The following MAML2 variants were observed in gnomAD, a reference collection of about 807,000 sequenced individuals.
MAML2 encodes mastermind-like protein 2.
MAML2 carries 22 observed loss-of-function variants against 96.1 expected under a neutral mutation model. The ratio of observed to expected loss-of-function variants is 0.23; its 90% CI spans 0.16 to 0.33. The LOEUF (loss-of-function observed/expected upper bound fraction) is 0.33, where lower values mean the gene tolerates loss of function less well. Among genes scored for constraint, MAML2 ranks in the 10% least tolerant of loss-of-function variants. MAML2 has a pLI of 1.00. For synonymous variants in MAML2, 561 were observed against 521.3 expected (o/e 1.08, Z -1.04); for missense variants, 1,367 against 1,392.4 (o/e 0.98, Z 0.29).
chr11:96,037,400 C>G (rs1256880851), intron 2 of MAML2, among the ~76,000 whole-genome samples: 1 of 152,144 alleles, frequency 6.6e-6, no homozygotes, highest in Non-Finnish European at 1.5e-5. Context: ...TATACACATG[C>G]ATTTCGAGAC....
rs780219673 is a variant in MAML2, at chr11:96,202,465, C to T, written c.514-108948G>A. ...GGAATCCCAGGTAGGATCAGGAATGCGTTAGGAAAGTGCTAATTGCTTCAA... is the reference window on the plus strand; with the variant it reads ...GGAATCCCAGGTAGGATCAGGAATGTGTTAGGAAAGTGCTAATTGCTTCAA... On this transcript the variant is annotated intron_variant, in intron 1 of 4. Coordinates refer to ENST00000524717, the MANE Select transcript of MAML2 (RefSeq NM_032427.4). 3.9e-5 allele frequency among the ~76,000 whole-genome samples: 6 copies of T among 151,900 alleles called. No homozygotes were observed. The East Asian group carries it at 5.8e-4, about 15-fold the overall frequency.
chr11:96,258,084 A>G (rs11600126), intron 1 of MAML2, among the ~76,000 whole-genome samples: 2,463 of 152,284 alleles, frequency 0.016, 76 homozygotes, highest in African/African-American at 0.056. Context: ...GGCTCTTGAC[A>G]TCTTTTGGTC....
At position 95,993,531 on chromosome 11, in the gene MAML2, G is replaced by A. The variant is rs370673761; in HGVS notation, c.2140-1808C>T. 3.3e-5 allele frequency among the ~76,000 whole-genome samples: 5 copies of A among 152,180 alleles called. No individual in the cohort carries two copies. In the East Asian group the frequency reaches 5.8e-4, roughly 18 times the overall value. ...GGTTGCAGCGACCCGAGATTGTGCC[G>A]CTGCACTCCAGCCTGGGTGACAGAG... On this transcript the variant is annotated intron_variant, in intron 2 of 4. Transcript: ENST00000524717.
In MAML2 at chr11:96,293,503, A is replaced by G. The variant is rs910046172; in HGVS notation, c.513+47880T>C. The stretch of plus-strand genomic sequence containing the variant: ...AAATCATACAACTTTTTTGATGCAT[A>G]TTAAGATAACTATAAAAATACCAAA... On this transcript the variant is annotated intron_variant, in intron 1 of 4. Coordinates refer to ENST00000524717, the MANE Select transcript of MAML2 (RefSeq NM_032427.4). 3.3e-5 allele frequency among the ~76,000 whole-genome samples: 5 copies of G among 152,196 alleles called. No homozygotes were observed. In the East Asian group the frequency reaches 5.8e-4, roughly 18 times the overall value.
intron 2 of MAML2, among the ~76,000 whole-genome samples, chr11:96,082,854 G>A (rs924663353): frequency 5.3e-5 from 8 of 152,316 alleles, no homozygotes; most frequent in Admixed American, 4.6e-4. Context: ...GTCGGCAGTA[G>A]CACCTGGGAA....
At chr11:96,251,687 G>A (rs1300202169) in intron 1 of MAML2, among the ~76,000 whole-genome samples, 2 of 151,142 alleles carry the variant, frequency 1.3e-5, no homozygotes, top group African/African-American at 4.9e-5. Context: ...ATGGTGGAAT[G>A]TTGGAGAAGC....
chr11:96,157,852 G>T (rs1861037116), intron 1 of MAML2, among the ~76,000 whole-genome samples: 1 of 152,116 alleles, frequency 6.6e-6, no homozygotes, highest in Non-Finnish European at 1.5e-5. Flanking sequence ...TGCCTTTGTG[G>T]GTAAGAACTT....
chr11:96,342,574 C>G lies in MAML2; in HGVS notation c.-679G>C. 2.5e-6 allele frequency: 1 copy of G among 395,468 alleles called. No homozygotes were observed. Among genetic ancestry groups the G allele is most frequent in the Non-Finnish European group, 4.5e-6 (1 of 224,654 alleles). 24.5% of individuals were successfully genotyped at this position (395,468 alleles called of 1,614,324 possible). ...ATTTTTCCTCCCTTTCCTTTCGCTCCGGTGTTTTCTCCTCTTTGGGGTACT... is the reference window on the plus strand; with the variant it reads ...ATTTTTCCTCCCTTTCCTTTCGCTCGGGTGTTTTCTCCTCTTTGGGGTACT... On this transcript the variant is annotated 5_prime_UTR_variant, in exon 1 of 5. Coordinates refer to ENST00000524717, the MANE Select transcript of MAML2 (RefSeq NM_032427.4).
At chr11:96,253,236 C>A (rs1383341539) in intron 1 of MAML2, among the ~76,000 whole-genome samples, 1 of 152,186 alleles carries the variant, frequency 6.6e-6, no homozygotes, top group Non-Finnish European at 1.5e-5. Flanking sequence ...GGAAAACTGA[C>A]TTTGATTTTC....
At chr11:96,212,328 G>A (rs1056044909) in intron 1 of MAML2, among the ~76,000 whole-genome samples, 1 of 151,902 alleles carries the variant, frequency 6.6e-6, no homozygotes, top group Non-Finnish European at 1.5e-5. Context: ...GAGTGTCTGC[G>A]ATCACCGAGA....
chr11:96,045,154 A>G (rs989920383), intron 2 of MAML2, among the ~76,000 whole-genome samples: 2 of 152,174 alleles, frequency 1.3e-5, no homozygotes, highest in Non-Finnish European at 2.9e-5. Flanking sequence ...ATTTGCTCAA[A>G]GGTTTTCCTG....
chr11:96,243,136 C>T (rs1222621826), intron 1 of MAML2, among the ~76,000 whole-genome samples: 1 of 151,924 alleles, frequency 6.6e-6, no homozygotes, highest in African/African-American at 2.4e-5. Context: ...CTCTCTTACA[C>T]ACACACACAC....
intron 1 of MAML2, among the ~76,000 whole-genome samples, chr11:96,181,498 A>G (rs1215800229): frequency 1.3e-5 from 2 of 152,180 alleles, no homozygotes; most frequent in Non-Finnish European, 2.9e-5. Flanking sequence ...TAATAACCAA[A>G]AAACTTTCTA....
At chr11:96,047,740 C>T (rs749896418) in intron 2 of MAML2, among the ~76,000 whole-genome samples, 3 of 151,618 alleles carry the variant, frequency 2.0e-5, no homozygotes, top group Non-Finnish European at 4.4e-5. Flanking sequence ...GAAACCCTGT[C>T]TCTACTAAAA....
At chr11:96,326,532 C>T (rs1378131594) in intron 1 of MAML2, among the ~76,000 whole-genome samples, 2 of 152,088 alleles carry the variant, frequency 1.3e-5, no homozygotes, top group East Asian at 1.9e-4. Context: ...TGCGGTGGCT[C>T]ATGCCTGTAA....
At chr11:96,222,597 C>T (rs1207497984) in intron 1 of MAML2, among the ~76,000 whole-genome samples, 1 of 152,154 alleles carries the variant, frequency 6.6e-6, no homozygotes, top group Admixed American at 6.5e-5. Flanking sequence ...ATATCATTTC[C>T]CAGGAGTGCC....
chr11:96,085,772 G>T (rs1028288235), intron 2 of MAML2, among the ~76,000 whole-genome samples: 1 of 151,728 alleles, frequency 6.6e-6, no homozygotes, highest in African/African-American at 2.4e-5. Flanking sequence ...CCCTAACTGT[G>T]GAGTTGAACC....
intron 1 of MAML2, among the ~76,000 whole-genome samples, chr11:96,299,545 G>C (rs941602644): frequency 6.6e-6 from 1 of 151,992 alleles, no homozygotes; most frequent in South Asian, 2.1e-4. Context: ...AGCAGGCCTC[G>C]CCCTCAGACA....
intron 2 of MAML2, among the ~76,000 whole-genome samples, chr11:96,078,725 C>T (rs1018471036): frequency 6.6e-6 from 1 of 152,232 alleles, no homozygotes; most frequent in African/African-American, 2.4e-5. Flanking sequence ...AGGGCTTCAG[C>T]TGTGCCAGCA....
Sources: gnomAD v4.1 joint callset for allele counts (sites outside exome capture counted in the v4.1 genomes callset) on GRCh38, gnomAD v4.1.1 for gene constraint, MANE v1.5 for transcripts, NCBI Gene and HGNC (gene_info 2026-07-23, HGNC 2026-07-21) for gene names.